ELMO2: variants seen among roughly 807,000 people sequenced by gnomAD.
The protein encoded by ELMO2 is engulfment and cell motility 2, also known as engulfment and cell motility protein 2.
ELMO2 carries 37 observed loss-of-function variants against 96.2 expected under a neutral mutation model. The observed-to-expected ratio is 0.38, with a 90% confidence interval of 0.30 to 0.51. The LOEUF is 0.51. Among genes scored for constraint, ELMO2 ranks in the 20% least tolerant of loss-of-function variants. The pLI, the probability that ELMO2 is intolerant of heterozygous loss-of-function variation, is 0.88. For missense variants in ELMO2, 561 were observed against 912.6 expected (o/e 0.61, Z 4.96); for synonymous variants, 315 against 329.4 (o/e 0.96, Z 0.47).
At chr20:46,396,423 A>C (rs1399112694) in intron 2 of ELMO2, among the ~76,000 whole-genome samples, 1 of 152,172 alleles carries the variant, frequency 6.6e-6, no homozygotes, top group African/African-American at 2.4e-5. Flanking sequence ...TGTATATATA[A>C]ATATACATCA....
intron 2 of ELMO2, among the ~76,000 whole-genome samples, chr20:46,397,781 C>T (rs1423154025): frequency 5.3e-5 from 8 of 152,120 alleles, no homozygotes; most frequent in Non-Finnish European, 1.0e-4. Context: ...GAGCGAATAC[C>T]ATGGCAAGCC....
chr20:46,393,740 T>A (rs1227376973), intron 4 of ELMO2, 139 bp from the exon 5 acceptor site: 6 of 1,012,216 alleles, frequency 5.9e-6, no homozygotes, highest in Non-Finnish European at 5.9e-6. Context: ...TAGGTTGTCA[T>A]GTTGAAAAAA....
At chr20:46,405,610 G>A (rs2060421586) in intron 1 of ELMO2, among the ~76,000 whole-genome samples, 1 of 152,158 alleles carries the variant, frequency 6.6e-6, no homozygotes, top group African/African-American at 2.4e-5. Context: ...TTTCTCGGCT[G>A]GGCGCGGTGG....
rs1027367413 is a variant in ELMO2, at chr20:46,375,163, T to C, written c.1065+73A>G. ...CCACCATGGGGTTGGTTGTCAGAGC[T>C]CTGTCTGGGTGGGACCATTGACTTC... On this transcript the variant is annotated intron_variant, in intron 13 of 21. Coordinates refer to ENST00000290246, the MANE Select transcript of ELMO2 (RefSeq NM_133171.5). This position sits in a 1 kb window ranked among gnomAD's most constrained non-coding sequence, Gnocchi z 4.6. 11 of 1,546,058 alleles carry C rather than the reference T, an allele frequency of 7.1e-6. No individual in the cohort carries two copies. The highest frequency in any genetic ancestry group is 7.0e-6 in the Non-Finnish European group (8 of 1,146,960).
In ELMO2 at chr20:46,394,102, G is replaced by GAGAGAA. The variant is rs1568782613; in HGVS notation, c.79-19_79-14dup. 1.2e-6 allele frequency: 2 copies of GAGAGAA among 1,610,172 alleles called. No homozygotes were observed. The highest frequency in any genetic ancestry group is 1.7e-6 in the Non-Finnish European group (2 of 1,176,616). Reference sequence around the variant, plus strand: ...CCAGGGGCCGTTTCTGAAAGAGAGAGAGAGAAAGCCTTCAACAGCAGCAAC... The same window carrying GAGAGAA: ...CCAGGGGCCGTTTCTGAAAGAGAGAGAGAGAAAGAGAAAGCCTTCAACAGCAGCAAC... On this transcript the variant is annotated splice_polypyrimidine_tract_variant and intron_variant, in intron 3 of 21. Transcript: ENST00000290246.
intron 13 of ELMO2, 33 bp from the exon 14 acceptor site, chr20:46,374,673 G>A (rs760541976): frequency 1.4e-5 from 22 of 1,599,746 alleles, no homozygotes; most frequent in African/African-American, 8.0e-5. Context: ...TTTGAGATGC[G>A]GCAGTCTCCG....
At chr20:46,384,049 G>T (rs2060000276) in intron 9 of ELMO2, among the ~76,000 whole-genome samples, 1 of 151,964 alleles carries the variant, frequency 6.6e-6, no homozygotes, top group African/African-American at 2.4e-5. Context: ...AAATGTTCAA[G>T]GTGTATTATT....
chr20:46,367,516 G>A lies in ELMO2; in HGVS notation c.2007C>T (p.Asp669=), dbSNP rs772644424. 4.0e-5 allele frequency: 64 copies of A among 1,613,414 alleles called. 2 individuals carry two copies. In the South Asian group the frequency reaches 6.8e-4, roughly 17 times the overall value. ...CACTCTTGGTCAGCTCACTGGACAT[G>A]TCCTTCCCCAGAAGGGCACTGAGGC... is the stretch of plus-strand genomic sequence containing the variant. ...IDGLSALLGK[D]MSSELTKSDL... The change falls in exon 22 of 22, where the codon GAC becomes GAT. Residue 669 remains aspartate (D), a synonymous_variant. Transcript: ENST00000290246.
At chr20:46,370,760 G>C (rs1871894498) in intron 19 of ELMO2, among the ~76,000 whole-genome samples, 1 of 152,174 alleles carries the variant, frequency 6.6e-6, no homozygotes, top group African/African-American at 2.4e-5. Flanking sequence ...AGCTAACTGA[G>C]GGTCACTTCA....
In ELMO2 at chr20:46,375,468, C is replaced by T; in HGVS notation, c.931-98G>A. 2 of 1,532,838 alleles carry T rather than the reference C, an allele frequency of 1.3e-6. No homozygotes were observed. Among genetic ancestry groups the T allele is most frequent in the Non-Finnish European group, 1.8e-6 (2 of 1,132,938 alleles). 95.0% of individuals were successfully genotyped at this position (1,532,838 alleles called of 1,614,324 possible). A position where few individuals can be genotyped will look rare whatever the true frequency, so the allele number is the denominator to read the frequency against. On this transcript the variant is annotated intron_variant, in intron 12 of 21. Coordinates refer to ENST00000290246, the MANE Select transcript of ELMO2 (RefSeq NM_133171.5). The surrounding 1 kb of genome is among the most constrained non-coding windows in gnomAD (Gnocchi z 4.6). ...GGCTTTTCTGGGCCAAACTTTGGCCCCAATCAATCCCTTAGGAGGCATCAC... is the reference window on the plus strand; with the variant it reads ...GGCTTTTCTGGGCCAAACTTTGGCCTCAATCAATCCCTTAGGAGGCATCAC...
chr20:46,370,430 C>T lies in ELMO2; in HGVS notation c.1884+13G>A, dbSNP rs745968922. 6.2e-7 allele frequency: 1 copy of T among 1,613,776 alleles called. No homozygotes were observed. The highest frequency in any genetic ancestry group is 1.1e-5 in the South Asian group (1 of 91,070). ...TCACTGGGCCAGCTACTCAAACTGGCCTCTCTACTCACCTTGTTCTGTTTC... is the reference window on the plus strand; with the variant it reads ...TCACTGGGCCAGCTACTCAAACTGGTCTCTCTACTCACCTTGTTCTGTTTC... On this transcript the variant is annotated intron_variant, in intron 20 of 21. Transcript: ENST00000290246.
chr20:46,376,776 CACT>C, intron 11 of ELMO2: 2 of 1,289,364 alleles, frequency 1.6e-6, no homozygotes, highest in East Asian at 1.1e-4. Context: ...CATGTACCAC[CACT>C]ATGTCCTTCA....
At chr20:46,374,289 A>T in intron 15 of ELMO2, 43 bp downstream of exon 15, 2 of 1,524,920 alleles carry the variant, frequency 1.3e-6, no homozygotes, top group South Asian at 1.1e-5. Flanking sequence ...TGAGCTCTTG[A>T]TGACAAGGAA....
Position 46,367,539 on chromosome 20 carries a change from G to A in ELMO2, c.1984C>T (p.Leu662Phe). The change falls in exon 22 of 22, where the codon CTC (leucine) becomes TTC (phenylalanine). Residue 662 changes from leucine to phenylalanine, a missense_variant. Leu to Phe is a conservative substitution (Grantham distance 22). Coordinates refer to ENST00000290246, the MANE Select transcript of ELMO2 (RefSeq NM_133171.5). The stretch of plus-strand genomic sequence containing the variant: ...ATGTCCTTCCCCAGAAGGGCACTGA[G>A]GCCATCAATCCAGATGCAGTACTGT... ...KYEYCIWIDG[L>F]SALLGKDMSS... 6.2e-7 allele frequency: 1 copy of A among 1,613,282 alleles called. No individual in the cohort carries two copies. Among genetic ancestry groups the A allele is most frequent in the Non-Finnish European group, 8.5e-7 (1 of 1,179,658 alleles).
intron 1 of ELMO2, among the ~76,000 whole-genome samples, chr20:46,405,889 G>A (rs1452204474): frequency 2.0e-5 from 3 of 151,914 alleles, no homozygotes; most frequent in African/African-American, 7.2e-5. Context: ...GTCTCGGAAA[G>A]GTTTCAAAAA....
chr20:46,370,305 G>A (rs770383462), intron 20 of ELMO2, 138 bp downstream of exon 20: 101 of 804,624 alleles, frequency 1.3e-4, no homozygotes, highest in Middle Eastern at 4.4e-4. Flanking sequence ...ATCTATTTTT[G>A]TGTATGTTCA....
At chr20:46,391,293 CTG>C (rs1044278668) in intron 6 of ELMO2, among the ~76,000 whole-genome samples, 4 of 152,124 alleles carry the variant, frequency 2.6e-5, no homozygotes, top group Non-Finnish European at 1.5e-5. Flanking sequence ...ACTTTATTAG[CTG>C]TGTGACAAGT....
Position 46,367,351 on chromosome 20 carries a change from G to T in ELMO2, c.*9C>A, listed in dbSNP as rs2059602597. ...CTTCTCCTGGGTACCGTCGTTTCTGGCTCCAGGCTCAGCCATAGTGATAGA... is the reference window on the plus strand; with the variant it reads ...CTTCTCCTGGGTACCGTCGTTTCTGTCTCCAGGCTCAGCCATAGTGATAGA... On this transcript the variant is annotated 3_prime_UTR_variant, in exon 22 of 22. Transcript: ENST00000290246. 1 of 1,498,536 alleles carries T rather than the reference G, an allele frequency of 6.7e-7. No homozygotes were observed. The highest frequency in any genetic ancestry group is 1.3e-5 in the South Asian group (1 of 75,684). The allele number at this position is 1,498,536 out of a possible 1,614,324, so 92.8% of individuals were successfully genotyped here.
intron 7 of ELMO2, 152 bp from the exon 8 acceptor site, chr20:46,387,589 C>A: frequency 2.0e-6 from 1 of 512,218 alleles, no homozygotes; most frequent in South Asian, 2.4e-5. Context: ...TGTGTGCACA[C>A]CTAGCCAGTG....
Sources: gnomAD v4.1 joint callset for allele counts (sites outside exome capture counted in the v4.1 genomes callset) on GRCh38, gnomAD v4.1.1 for gene constraint, Gnocchi (gnomAD v3.1) non-coding constraint, MANE v1.5 for transcripts, NCBI Gene and HGNC (gene_info 2026-07-23, HGNC 2026-07-21) for gene names.